GRID2IP: variants seen among roughly 807,000 people sequenced by gnomAD.
GRID2IP encodes Grid2 interacting protein, also known as delphilin.
A neutral mutation model predicts 114.3 loss-of-function variants in GRID2IP; 78 were observed. That is an observed-to-expected ratio of 0.68 (90% CI 0.57 to 0.82). GRID2IP has a LOEUF of 0.82. Ranked by LOEUF, GRID2IP falls within the 40% of genes least tolerant of loss-of-function variation. The pLI is 0.00. For synonymous variants in GRID2IP, 809 were observed against 724.0 expected, an observed-to-expected ratio of 1.12 and a Z score of -1.89; for missense variants, 1,727 against 1,678.5, an observed-to-expected ratio of 1.03 and a Z score of -0.51.
Position 6,526,541 on chromosome 7 carries a change from G to A in GRID2IP, c.813C>T (p.Ala271=), listed in dbSNP as rs1055629889. The A allele has an allele frequency of 3.3e-6, 4 of 1,226,056 alleles. No homozygotes were observed. The highest frequency in any genetic ancestry group is 4.1e-6 in the Non-Finnish European group (4 of 984,270). The allele number at this position is 1,226,056 out of a possible 1,614,324, so 75.9% of individuals were successfully genotyped here. Residue 271 remains alanine, a synonymous_variant, in exon 3 of 22, where the codon GCC becomes GCT. Transcript: ENST00000457091. The surrounding 1 kb of genome is among the most constrained non-coding windows in gnomAD (Gnocchi z 7.6). ...RRASLLVGGL[A]GPGGARRTVR... ...CGTACCTGCGCGCGCCCCCGGGGCC[G>A]GCGAGGCCGCCCACCAGCAAGGAGG...
intron 1 of GRID2IP, among the ~76,000 whole-genome samples, chr7:6,543,549 C>T (rs1271379610): frequency 6.6e-6 from 1 of 152,048 alleles, no homozygotes; most frequent in Non-Finnish European, 1.5e-5. Context: ...TCCTGGCCAC[C>T]CTGTCAAAGT....
In GRID2IP at chr7:6,519,377, G is replaced by A. The variant is rs181350845; in HGVS notation, c.1268+1201C>T. 2.9e-3 allele frequency among the ~76,000 whole-genome samples: 435 copies of A among 152,122 alleles called. 1 individual carries two copies. Among genetic ancestry groups the A allele is most frequent in the Non-Finnish European group, 5.0e-3 (341 of 68,002 alleles). On this transcript the variant is annotated intron_variant, in intron 7 of 21. Transcript: ENST00000457091. The surrounding 1 kb of genome is among the most constrained non-coding windows in gnomAD (Gnocchi z 4.1). ...AGTACAGTGGCTCATGCCTGTAACC[G>A]CAGCACTTTGGGACGATCACTTGAG...
At chr7:6,529,934 C>T (rs1779584978) in intron 2 of GRID2IP, among the ~76,000 whole-genome samples, 1 of 151,194 alleles carries the variant, frequency 6.6e-6, no homozygotes, top group African/African-American at 2.4e-5. Flanking sequence ...TCTCTCCCCA[C>T]CCAGCTTTCT....
rs189529408 is a variant in GRID2IP, at chr7:6,519,177, A to G, written c.1268+1401T>C. On this transcript the variant is annotated intron_variant, in intron 7 of 21. Transcript: ENST00000457091. This position sits in a 1 kb window ranked among gnomAD's most constrained non-coding sequence, Gnocchi z 4.1. ...AGCGATCCTCCTGCCTCAGCCTCCC[A>G]AAGTGCTGGGATTATAGGTGTCTGG... Among the ~76,000 whole-genome samples the G allele has an allele frequency of 1.1e-3, 171 of 152,214 alleles. No homozygotes were observed. The Middle Eastern group carries it at 0.017, about 15-fold the overall frequency.
intron 1 of GRID2IP, among the ~76,000 whole-genome samples, chr7:6,549,791 T>TG (rs1450451059): frequency 6.6e-6 from 1 of 151,326 alleles, no homozygotes; most frequent in Non-Finnish European, 1.5e-5. Context: ...CTGGCTGGTT[T>TG]TTTTTTTTTT....
rs1786717670 is a variant in GRID2IP at position 6,509,922 on chromosome 7, G to C, written c.1771+361C>G. The stretch of plus-strand genomic sequence containing the variant: ...TAGCTCACTGCAGCCTTGAACTCCT[G>C]GGCTCAAGTGATCCTCCCGCCTCAG... On this transcript the variant is annotated intron_variant, in intron 11 of 21. Transcript: ENST00000457091. The surrounding 1 kb of genome is among the most constrained non-coding windows in gnomAD (Gnocchi z 4.9). Among the ~76,000 whole-genome samples the C allele has an allele frequency of 6.6e-6, 1 of 152,176 alleles. No homozygotes were observed. Among genetic ancestry groups the C allele is most frequent in the African/African-American group, 2.4e-5 (1 of 41,450 alleles).
rs1256906409 is a variant in GRID2IP at position 6,501,820 on chromosome 7, A to G, written c.3360T>C (p.Ile1120=). ...ISEIQDACQS[I]SPSSEDKFAM... is the part of the protein sequence containing the mutation. ...CAAACTTGTCCTCGCTAGAGGGGGA[A>G]ATGCTCTGGCAGGCATCCTGTATCT... The change falls in exon 20 of 22, where the codon ATT becomes ATC. Residue 1120 remains isoleucine (I), a synonymous_variant. Coordinates refer to ENST00000457091, the MANE Select transcript of GRID2IP (RefSeq NM_001145118.2). 1 of 1,551,350 alleles carries G rather than the reference A, an allele frequency of 6.4e-7. No homozygotes were observed.
Position 6,498,248 on chromosome 7 carries a change from G to C in GRID2IP, c.3400-20C>G. 2 of 1,523,796 alleles carry C rather than the reference G, an allele frequency of 1.3e-6. No individual in the cohort carries two copies. The highest frequency in any genetic ancestry group is 1.8e-6 in the Non-Finnish European group (2 of 1,135,202). The allele number at this position is 1,523,796 out of a possible 1,614,324, so 94.4% of individuals were successfully genotyped here. ...GAAGGACTGACAGGCCTCAGTTAAG[G>C]AAACAGCCAGCCCGCTTGTGCCCCC... On this transcript the variant is annotated intron_variant, in intron 20 of 21. Coordinates refer to ENST00000457091, the MANE Select transcript of GRID2IP (RefSeq NM_001145118.2).
chr7:6,511,099 CA>C, intron 8 of GRID2IP, 60 bp from the exon 9 acceptor site: 1 of 1,334,230 alleles, frequency 7.5e-7, no homozygotes. Context: ...AAGGGACCTC[CA>C]AAACAGGGAG....
At chr7:6,511,316 G>A (rs557450839) in intron 8 of GRID2IP, among the ~76,000 whole-genome samples, 98 of 152,192 alleles carry the variant, frequency 6.4e-4, no homozygotes, top group African/African-American at 2.3e-3. Context: ...GAGTCTCAAC[G>A]CCCTGTGCTT....
chr7:6,502,684 C>T, intron 18 of GRID2IP, 102 bp downstream of exon 18: 3 of 593,506 alleles, frequency 5.1e-6, no homozygotes, highest in South Asian at 4.8e-5. Flanking sequence ...CCTCCTTGGT[C>T]ACGATGTCCT....
chr7:6,507,982 T>C lies in GRID2IP; in HGVS notation c.2544+3A>G, dbSNP rs1021863181. 4.5e-6 allele frequency: 7 copies of C among 1,549,912 alleles called. No homozygotes were observed. In the African/African-American group the frequency reaches 9.6e-5, roughly 21 times the overall value. On this transcript the variant is annotated splice_donor_region_variant and intron_variant, in intron 13 of 21. Coordinates refer to ENST00000457091, the MANE Select transcript of GRID2IP (RefSeq NM_001145118.2). This position sits in a 1 kb window ranked among gnomAD's most constrained non-coding sequence, Gnocchi z 5.3. ...GAGCGCTGCTGGGTCCCAGGTCACC[T>C]ACCTGACCCCAGATGGTGCCTTCTG...
intron 1 of GRID2IP, among the ~76,000 whole-genome samples, chr7:6,550,657 CAAAAAAA>C (rs71008400): frequency 1.0e-5 from 1 of 97,106 alleles, no homozygotes; most frequent in Non-Finnish European, 2.1e-5. Context: ...CTAAAAATAC[CAAAAAAA>C]AAAAAAAAAA....
chr7:6,510,864 A>G (rs1218238045), intron 9 of GRID2IP, 44 bp downstream of exon 9: 5 of 1,540,240 alleles, frequency 3.2e-6, no homozygotes, highest in Non-Finnish European at 3.5e-6. Flanking sequence ...TGCAGGTGGG[A>G]AAACTGAGCT....
At chr7:6,500,419 G>A (rs1307333996) in intron 20 of GRID2IP, among the ~76,000 whole-genome samples, 2 of 152,090 alleles carry the variant, frequency 1.3e-5, no homozygotes, top group African/African-American at 4.8e-5. Flanking sequence ...AGCCGAGATC[G>A]CACCATTGCA....
At position 6,539,868 on chromosome 7, in the gene GRID2IP, T is replaced by G; in HGVS notation, c.434A>C (p.Asp145Ala). 1 of 1,550,922 alleles carries G rather than the reference T, an allele frequency of 6.4e-7. No individual in the cohort carries two copies. Among genetic ancestry groups the G allele is most frequent in the Non-Finnish European group, 8.7e-7 (1 of 1,146,624 alleles). Reference sequence around the variant, plus strand: ...AGTTGGCTGGTCCCCCAAGATTTCATCCACCTGCAAGGAGGAGTCCTGTGA... The same window carrying G: ...AGTTGGCTGGTCCCCCAAGATTTCAGCCACCTGCAAGGAGGAGTCCTGTGA... ...RKAQEFSRKVDEILGDQPTAK... is the reference protein window; with the variant it reads ...RKAQEFSRKVAEILGDQPTAK... The change falls in exon 2 of 22, where the codon GAT becomes GCT. Residue 145 changes from aspartate to alanine, a missense_variant. Transcript: ENST00000457091.
chr7:6,551,128 C>A lies in GRID2IP; in HGVS notation c.309G>T (p.Arg103=), dbSNP rs1779971025. The change falls in exon 1 of 22, where the codon CGG becomes CGT. Residue 103 remains arginine, a synonymous_variant. Coordinates refer to ENST00000457091, the MANE Select transcript of GRID2IP (RefSeq NM_001145118.2). ...CTAGGCCGCGGCCGCACCGCGGGGC[C>A]CGCAAGACTGTGGTCGGGGCCGCGG... The part of the protein sequence containing the change: ...SGPAAPTTVL[R]APRCGRGLAL... 6 of 1,317,204 alleles carry A rather than the reference C, an allele frequency of 4.6e-6. No individual in the cohort carries two copies. The highest frequency in any genetic ancestry group is 5.8e-6 in the Non-Finnish European group (6 of 1,038,476). The allele number at this position is 1,317,204 out of a possible 1,614,324, so 81.6% of individuals were successfully genotyped here.
At chr7:6,504,633 T>TGGCTGGCTATGG (rs896332024) in intron 15 of GRID2IP, among the ~76,000 whole-genome samples, 160 bp downstream of exon 15, 1 of 152,052 alleles carries the variant, frequency 6.6e-6, no homozygotes, top group African/African-American at 2.4e-5. Context: ...AGATGGGATC[T>TGGCTGGCTATGG]GGCTGGCTAT....
chr7:6,543,885 C>A (rs1779848326), intron 1 of GRID2IP, among the ~76,000 whole-genome samples: 2 of 152,086 alleles, frequency 1.3e-5, no homozygotes, highest in Non-Finnish European at 2.9e-5. Flanking sequence ...CAACCTCCAC[C>A]TCCTGAGTTC....
Sources: allele counts gnomAD v4.1 joint callset (sites outside exome capture counted in the v4.1 genomes callset), GRCh38; gene constraint gnomAD v4.1.1; non-coding constraint Gnocchi (gnomAD v3.1); transcripts MANE v1.5; gene names NCBI Gene and HGNC (gene_info 2026-07-23, HGNC 2026-07-21).